CACNG4: variants seen among roughly 807,000 people sequenced by gnomAD.
CACNG4 encodes the protein calcium voltage-gated channel auxiliary subunit gamma 4.
In CACNG4, 8 loss-of-function variants were observed where a neutral mutation model predicts 22.9. The ratio of observed to expected loss-of-function variants is 0.35; its 90% CI spans 0.21 to 0.63. The LOEUF is 0.63. Ranked by LOEUF, CACNG4 falls within the 30% of genes least tolerant of loss-of-function variation. CACNG4 has a pLI of 0.72. For missense variants in CACNG4, 357 were observed against 455.4 expected (o/e 0.78, Z 1.97); for synonymous variants, 188 against 191.9 (o/e 0.98, Z 0.17).
intron 1 of CACNG4, among the ~76,000 whole-genome samples, chr17:66,992,150 G>A (rs542456958): frequency 1.5e-4 from 17 of 113,148 alleles, no homozygotes; most frequent in African/African-American, 3.8e-4. Flanking sequence ...TGGTTGCTCC[G>A]CCAAGCTCCT....
intron 1 of CACNG4, among the ~76,000 whole-genome samples, chr17:66,980,165 C>T (rs977413146): frequency 3.9e-5 from 6 of 152,198 alleles, no homozygotes; most frequent in African/African-American, 1.2e-4. Context: ...CAAATTGATT[C>T]CTGGATCAAA....
At chr17:66,982,628 C>T (rs548005478) in intron 1 of CACNG4, among the ~76,000 whole-genome samples, 18 of 152,242 alleles carry the variant, frequency 1.2e-4, no homozygotes, top group Non-Finnish European at 2.2e-4. Flanking sequence ...CTCTCAATAG[C>T]TCACTGTGGC....
intron 1 of CACNG4, among the ~76,000 whole-genome samples, chr17:66,994,103 A>G (rs117260290): frequency 0.022 from 3,288 of 152,150 alleles, 49 homozygotes; most frequent in Middle Eastern, 0.065. Context: ...GGCCGAGGTG[A>G]GAGCTTTACT....
chr17:66,989,501 C>A (rs1459284983), intron 1 of CACNG4, among the ~76,000 whole-genome samples: 1 of 151,442 alleles, frequency 6.6e-6, no homozygotes, highest in Non-Finnish European at 1.5e-5. Context: ...CATGGCCCCA[C>A]TGACACTTTG....
chr17:66,990,785 A>T (rs1439255987), intron 1 of CACNG4, among the ~76,000 whole-genome samples: 1 of 152,038 alleles, frequency 6.6e-6, no homozygotes, highest in African/African-American at 2.4e-5. Flanking sequence ...GATTCACACC[A>T]TTCACCTGCC....
chr17:67,031,139 C>G lies in CACNG4; in HGVS notation c.*135C>G. 1.0e-6 allele frequency: 1 copy of G among 973,122 alleles called. No homozygotes were observed. Among genetic ancestry groups the G allele is most frequent in the Non-Finnish European group, 1.5e-6 (1 of 660,130 alleles). 60.3% of individuals were successfully genotyped at this position (973,122 alleles called of 1,614,324 possible). ...AGCCCTCCCTGGCCTCCAGAGGTGGCGTGGGCTGGCTTTGCACGAAGGTTG... is the reference window on the plus strand; with the variant it reads ...AGCCCTCCCTGGCCTCCAGAGGTGGGGTGGGCTGGCTTTGCACGAAGGTTG... On this transcript the variant is annotated 3_prime_UTR_variant, in exon 4 of 4. Coordinates refer to ENST00000262138, the MANE Select transcript of CACNG4 (RefSeq NM_014405.4). The surrounding 1 kb of genome is among the most constrained non-coding windows in gnomAD (Gnocchi z 4.0).
At chr17:66,989,015 C>CGACTTTGGGTGAAA (rs1555577227) in intron 1 of CACNG4, among the ~76,000 whole-genome samples, 6 of 134,152 alleles carry the variant, frequency 4.5e-5, no homozygotes, top group African/African-American at 1.1e-4. Flanking sequence ...GAGCCAAGAT[C>CGACTTTGGGTGAAA]ATGCCACTGT....
chr17:66,979,745 CTTTTTTTTTT>C (rs35942551), intron 1 of CACNG4, among the ~76,000 whole-genome samples: 2 of 92,016 alleles, frequency 2.2e-5, no homozygotes, highest in African/African-American at 8.9e-5. Flanking sequence ...TCTTTTCATG[CTTTTTTTTTT>C]TTTTTTTTTT....
intron 2 of CACNG4, 34 bp downstream of exon 2, chr17:67,018,306 G>T (rs2143355590): frequency 1.3e-6 from 2 of 1,559,580 alleles, no homozygotes; most frequent in South Asian, 1.1e-5. Flanking sequence ...CTCTTTCTGT[G>T]GGGAGGCGGA....
intron 1 of CACNG4, among the ~76,000 whole-genome samples, chr17:66,994,804 A>T (rs973455363): frequency 2.0e-5 from 3 of 152,130 alleles, no homozygotes; most frequent in Non-Finnish European, 1.5e-5. Context: ...CGCCTCCTCC[A>T]TACGTTCTCA....
chr17:66,985,855 G>A (rs1233229349), intron 1 of CACNG4, among the ~76,000 whole-genome samples: 1 of 152,156 alleles, frequency 6.6e-6, no homozygotes, highest in African/African-American at 2.4e-5. Flanking sequence ...GAAGGTCCTT[G>A]GAGGCAAGGG....
At chr17:67,025,118 C>T (rs531787695) in intron 3 of CACNG4, 118 bp downstream of exon 3, 29 of 934,678 alleles carry the variant, frequency 3.1e-5, no homozygotes, top group Middle Eastern at 2.9e-4. Flanking sequence ...GACATAACAT[C>T]GCCACATGCA....
At chr17:67,016,558 C>T (rs1191118961) in intron 1 of CACNG4, among the ~76,000 whole-genome samples, 1 of 152,198 alleles carries the variant, frequency 6.6e-6, no homozygotes, top group East Asian at 1.9e-4. Context: ...TGGACGTGCA[C>T]CCGGACCCTG....
intron 1 of CACNG4, among the ~76,000 whole-genome samples, chr17:67,009,951 C>CCT (rs2035459564): frequency 6.6e-6 from 1 of 152,102 alleles, no homozygotes; most frequent in African/African-American, 2.4e-5. Context: ...ACTCCCATGT[C>CCT]CTCTGCCCAC....
intron 1 of CACNG4, among the ~76,000 whole-genome samples, chr17:66,979,475 C>T (rs1310314181): frequency 6.6e-6 from 1 of 152,176 alleles, no homozygotes; most frequent in African/African-American, 2.4e-5. Flanking sequence ...CTTTGAAGAT[C>T]ATCTGGTACG....
At chr17:67,014,608 G>C (rs1211062021) in intron 1 of CACNG4, among the ~76,000 whole-genome samples, 1 of 152,056 alleles carries the variant, frequency 6.6e-6, no homozygotes, top group Non-Finnish European at 1.5e-5. Context: ...AAGCCCAGAG[G>C]AGGGAGCCAG....
intron 1 of CACNG4, among the ~76,000 whole-genome samples, chr17:66,979,405 C>T (rs2035257679): frequency 6.6e-6 from 1 of 152,124 alleles, no homozygotes; most frequent in Non-Finnish European, 1.5e-5. Flanking sequence ...GGTTATTAAA[C>T]ATGAAGAGAA....
In CACNG4 at chr17:67,032,377, C is replaced by T. The variant is rs1228170733; in HGVS notation, c.*1373C>T. ...GAACTTAACCCTCTTTTGTATAAAA[C>T]ATGTGCTTTCTAAAGAAAAATTGTT... On this transcript the variant is annotated 3_prime_UTR_variant, in exon 4 of 4. Transcript: ENST00000262138. The T allele has an allele frequency of 4.9e-6, 1 of 205,528 alleles. No homozygotes were observed. The highest frequency in any genetic ancestry group is 5.3e-5 in the Admixed American group (1 of 18,950). 12.7% of individuals were successfully genotyped at this position (205,528 alleles called of 1,614,324 possible). A position where few individuals can be genotyped will look rare whatever the true frequency, so the allele number is the denominator to read the frequency against.
chr17:67,023,516 C>A (rs1031914900), intron 2 of CACNG4, among the ~76,000 whole-genome samples: 9 of 151,654 alleles, frequency 5.9e-5, no homozygotes, highest in African/African-American at 2.2e-4. Flanking sequence ...ACCTCGTGAT[C>A]CACCTGCCTC....
Sources: allele counts gnomAD v4.1 joint callset (sites outside exome capture counted in the v4.1 genomes callset), GRCh38; gene constraint gnomAD v4.1.1; non-coding constraint Gnocchi (gnomAD v3.1); transcripts MANE v1.5; gene names NCBI Gene and HGNC (gene_info 2026-07-23, HGNC 2026-07-21).